The following ACSL4 variants were observed in gnomAD, a reference collection of about 807,000 sequenced individuals.
The protein encoded by ACSL4 is acyl-CoA synthetase long chain family member 4, also known as long-chain-fatty-acid--CoA ligase 4.
Under a neutral mutation model 49.1 loss-of-function variants are expected in ACSL4, and 9 were observed. The ratio of observed to expected loss-of-function variants is 0.18; its 90% CI spans 0.11 to 0.32. The LOEUF (loss-of-function observed/expected upper bound fraction) is 0.32, where lower values mean the gene tolerates loss of function less well. Among genes scored for constraint, ACSL4 ranks in the 10% least tolerant of loss-of-function variants. The pLI is 1.00. For synonymous variants in ACSL4, 191 were observed against 170.3 expected (o/e 1.12, Z -0.95); for missense variants, 333 against 493.7 (o/e 0.67, Z 3.08).
rs1473010192 is a variant in ACSL4, at chrX:109,653,879, A to G, written c.1855+5475T>C. Among the ~76,000 whole-genome samples, 42 of 108,827 alleles carry G rather than the reference A, an allele frequency of 3.9e-4. No homozygotes were observed. In the East Asian group the frequency reaches 0.012, roughly 31 times the overall value. 94.5% of individuals were successfully genotyped at this position (108,827 alleles called of 115,157 possible). ...TAAATGACGAGTTAATGGGTGCAGC[A>G]CACCAGCATGGCACATGTATACATA... is the stretch of plus-strand genomic sequence containing the variant. On this transcript the variant is annotated intron_variant, in intron 15 of 15. Transcript: ENST00000672401.
chrX:109,689,145 C>G (rs968092431), intron 2 of ACSL4, among the ~76,000 whole-genome samples: 42 of 111,276 alleles, frequency 3.8e-4, no homozygotes, highest in African/African-American at 1.4e-3. Context: ...CACCCTTTTA[C>G]CCCCCTCTCT....
intron 1 of ACSL4, among the ~76,000 whole-genome samples, chrX:109,706,811 T>C (rs184297298): frequency 8.9e-6 from 1 of 112,684 alleles, no homozygotes; most frequent in African/African-American, 3.2e-5. Context: ...AAGGCATTCA[T>C]TAAAATACTA....
intron 15 of ACSL4, among the ~76,000 whole-genome samples, chrX:109,653,497 C>G (rs993430156): frequency 9.0e-6 from 1 of 111,500 alleles, no homozygotes. Flanking sequence ...TATAAAGACA[C>G]ATGCACACGT....
intron 1 of ACSL4, among the ~76,000 whole-genome samples, chrX:109,730,580 C>A (rs1299458316): frequency 8.9e-6 from 1 of 112,291 alleles, no homozygotes; most frequent in Non-Finnish European, 1.9e-5. Context: ...TAGGGTTTGT[C>A]TTAACCATCA....
chrX:109,674,307 A>T (rs1222554075), intron 9 of ACSL4, 95 bp downstream of exon 9: 14 of 697,360 alleles, frequency 2.0e-5, no homozygotes, highest in Non-Finnish European at 3.2e-5. Context: ...TAAAATGTAG[A>T]CATATCTAAG....
Position 109,687,775 on chromosome X carries a change from C to T in ACSL4, c.-12-4400G>A, listed in dbSNP as rs181886786. Among the ~76,000 whole-genome samples the T allele has an allele frequency of 2.7e-3, 300 of 112,128 alleles. 2 individuals carry two copies. The highest frequency in any genetic ancestry group is 4.1e-3 in the Non-Finnish European group (219 of 53,172). ...TGGCTTCATCTGTAAAACAGGAATA[C>T]TGCTTATATTACCTACTTTATAGTG... On this transcript the variant is annotated intron_variant, in intron 2 of 15. Transcript: ENST00000672401.
chrX:109,659,448 T>C lies in ACSL4; in HGVS notation c.1761A>G (p.Gln587=). Residue 587 remains glutamine (Q), a synonymous_variant, in exon 15 of 16, where the codon CAA becomes CAG. Transcript: ENST00000672401. The stretch of plus-strand genomic sequence containing the variant: ...CCCAAGTTCCTTCTACCCCTTTCTG[T>C]TGTGCCAAAAGTGTCAACCTTTTCT... The part of the protein sequence containing the change: ...PNQKRLTLLA[Q]QKGVEGTWVD... 8.3e-7 allele frequency: 1 copy of C among 1,207,328 alleles called. No individual in the cohort carries two copies.
chrX:109,646,178 A>G (rs1196612466), intron 15 of ACSL4, among the ~76,000 whole-genome samples: 1 of 111,063 alleles, frequency 9.0e-6, no homozygotes, highest in Non-Finnish European at 1.9e-5. Context: ...GAATGCCACA[A>G]AGATACTCCT....
rs1000393082 is a variant in ACSL4, at chrX:109,641,754, C to T, written c.*2275G>A. 8 of 112,302 alleles carry T rather than the reference C, an allele frequency of 7.1e-5. No homozygotes were observed. The highest frequency in any genetic ancestry group is 2.6e-4 in the African/African-American group (8 of 30,943). The allele number at this position is 112,302 out of a possible 1,213,427, so 9.3% of individuals were successfully genotyped here. On this transcript the variant is annotated 3_prime_UTR_variant, in exon 16 of 16. Coordinates refer to ENST00000672401, the MANE Select transcript of ACSL4 (RefSeq NM_001318510.2). ...AGAATAAATACAAATATCAAGGAGG[C>T]AGGAACATTCATGGAATTAAAGCAA...
At chrX:109,727,657 TTGTGTGTGTGTGTGTGTGTGTGTG>T (rs35186119) in intron 1 of ACSL4, among the ~76,000 whole-genome samples, 11 of 88,409 alleles carry the variant, frequency 1.2e-4, no homozygotes, top group East Asian at 8.7e-4. Context: ...GTTTGTTAAA[TTGTGTGTGTGTGTGTGTGTGTGTG>T]TGTGTGTGTG....
At chrX:109,665,320 A>C in intron 12 of ACSL4, 100 bp downstream of exon 12, 1 of 759,833 alleles carries the variant, frequency 1.3e-6, no homozygotes, top group Non-Finnish European at 2.0e-6. Flanking sequence ...AACAGCAGAG[A>C]ATTATTTGCT....
intron 2 of ACSL4, among the ~76,000 whole-genome samples, chrX:109,686,526 C>T (rs1245976804): frequency 8.9e-6 from 1 of 111,821 alleles, no homozygotes; most frequent in Non-Finnish European, 1.9e-5. Context: ...TAAAATGCCC[C>T]TAAGGGGTGA....
chrX:109,708,594 T>C (rs965756678), intron 1 of ACSL4, among the ~76,000 whole-genome samples: 6 of 112,254 alleles, frequency 5.3e-5, no homozygotes, highest in African/African-American at 1.9e-4. Flanking sequence ...GTTTTCTTCC[T>C]TACTATAACT....
chrX:109,680,466 A>G (rs956303579), intron 6 of ACSL4, among the ~76,000 whole-genome samples: 15 of 112,198 alleles, frequency 1.3e-4, no homozygotes, highest in African/African-American at 4.9e-4. Flanking sequence ...TGGAGTATTA[A>G]TTTCCTCAAC....
At chrX:109,664,681 T>C (rs1922483622) in intron 12 of ACSL4, among the ~76,000 whole-genome samples, 1 of 112,269 alleles carries the variant, frequency 8.9e-6, no homozygotes, top group Non-Finnish European at 1.9e-5. Flanking sequence ...AAGGGTTGCA[T>C]CCTACACGGT....
rs1218973802 is a variant in ACSL4 at position 109,677,970 on chromosome X, T to C, written c.930+18A>G. 8.3e-7 allele frequency: 1 copy of C among 1,210,413 alleles called. No individual in the cohort carries two copies. Among genetic ancestry groups the C allele is most frequent in the South Asian group, 1.8e-5 (1 of 56,952 alleles). Reference sequence around the variant, plus strand: ...GCAGCATCATACGATCATGCCAATATACTGAAAAGTTTGTCACCTGGTCAG... The same window carrying C: ...GCAGCATCATACGATCATGCCAATACACTGAAAAGTTTGTCACCTGGTCAG... On this transcript the variant is annotated intron_variant, in intron 8 of 15. Coordinates refer to ENST00000672401, the MANE Select transcript of ACSL4 (RefSeq NM_001318510.2).
rs1934545654 is a variant in ACSL4, at chrX:109,644,338, T to C, written c.1856-152A>G. ...GATGATTCGGGTGTTGAATCACCAA[T>C]CACCACAAACTTATTTAATGGTATA... On this transcript the variant is annotated intron_variant, in intron 15 of 15. Coordinates refer to ENST00000672401, the MANE Select transcript of ACSL4 (RefSeq NM_001318510.2). 1.8e-5 allele frequency: 9 copies of C among 492,393 alleles called. No homozygotes were observed. The South Asian group carries it at 2.7e-4, about 15-fold the overall frequency. The allele number at this position is 492,393 out of a possible 1,213,427, so 40.6% of individuals were successfully genotyped here.
chrX:109,667,195 A>G (rs1288512427), intron 11 of ACSL4, among the ~76,000 whole-genome samples: 1 of 112,496 alleles, frequency 8.9e-6, no homozygotes, highest in Non-Finnish European at 1.9e-5. Context: ...ATTATCCAAA[A>G]AAACAATTCC....
Position 109,708,348 on chromosome X carries a change from A to G in ACSL4, c.-65-12152T>C, listed in dbSNP as rs574107920. 3.6e-5 allele frequency among the ~76,000 whole-genome samples: 4 copies of G among 112,503 alleles called. No individual in the cohort carries two copies. In the East Asian group the frequency reaches 1.1e-3, roughly 31 times the overall value. On this transcript the variant is annotated intron_variant, in intron 1 of 15. Transcript: ENST00000672401. ...TTAATAATAAAGTAGAAAATATAGC[A>G]CCAGCCTTTCAATTAATTCTAATGT...
Sources: gnomAD v4.1 joint callset for allele counts (sites outside exome capture counted in the v4.1 genomes callset) on GRCh38, gnomAD v4.1.1 for gene constraint, MANE v1.5 for transcripts, NCBI Gene and HGNC (gene_info 2026-07-23, HGNC 2026-07-21) for gene names.